VIT: variants seen among roughly 807,000 people sequenced by gnomAD.
VIT encodes the protein vitrin.
In VIT, 99 loss-of-function variants were observed where a neutral mutation model predicts 78.0. The observed-to-expected ratio is 1.27, with a 90% CI of 1.08 to 1.50. The LOEUF is 1.50. Among genes scored for constraint, VIT ranks in the 40% most tolerant of loss-of-function variants. The pLI, the probability that VIT is intolerant of heterozygous loss-of-function variation, is 0.00. For missense variants in VIT, 1,126 were observed against 875.3 expected, an observed-to-expected ratio of 1.29 and a Z score of -3.61; for synonymous variants, 374 against 334.3, an observed-to-expected ratio of 1.12 and a Z score of -1.29.
At chr2:36,706,184 G>T (rs1665407567) in intron 1 of VIT, among the ~76,000 whole-genome samples, 1 of 152,270 alleles carries the variant, frequency 6.6e-6, no homozygotes, top group African/African-American at 2.4e-5. Flanking sequence ...TCTTCCCAGA[G>T]CTTGGCTTCA....
intron 7 of VIT, among the ~76,000 whole-genome samples, chr2:36,772,420 C>G (rs1020339156): frequency 6.6e-6 from 1 of 152,192 alleles, no homozygotes; most frequent in Non-Finnish European, 1.5e-5. Context: ...CTTGTAATCC[C>G]AGCTACTCGG....
At position 36,809,720 on chromosome 2, in the gene VIT, C is replaced by T. The variant is rs148536267; in HGVS notation, c.1903+735C>T. ...GTGAGTCACCATGCCTAGCCATGTACTGGTACCTTTTAAGGAAAAATAATG... is the reference window on the plus strand; with the variant it reads ...GTGAGTCACCATGCCTAGCCATGTATTGGTACCTTTTAAGGAAAAATAATG... On this transcript the variant is annotated intron_variant, in intron 15 of 15. Coordinates refer to ENST00000379242, the MANE Select transcript of VIT (RefSeq NM_053276.4). Among the ~76,000 whole-genome samples, 1,019 of 152,312 alleles carry T rather than the reference C, an allele frequency of 6.7e-3. 11 individuals carry two copies. Among genetic ancestry groups the T allele is most frequent in the African/African-American group, 0.023 (976 of 41,556 alleles).
At chr2:36,794,330 GA>G (rs11307491) in intron 12 of VIT, among the ~76,000 whole-genome samples, 98,232 of 151,772 alleles carry the variant, frequency 0.65, 32,552 homozygotes, top group East Asian at 0.99. Context: ...ATATTCCCTA[GA>G]AAAAAAAATT....
At chr2:36,702,397 C>G (rs1665119390) in intron 1 of VIT, among the ~76,000 whole-genome samples, 1 of 135,314 alleles carries the variant, frequency 7.4e-6, no homozygotes, top group African/African-American at 2.8e-5. Context: ...TCAGGCCAAG[C>G]TCAGAGGATT....
At chr2:36,765,425 GAGAGAGAGAA>G (rs377011128) in intron 6 of VIT, among the ~76,000 whole-genome samples, 23,711 of 148,570 alleles carry the variant, frequency 0.16, 2,088 homozygotes, top group Non-Finnish European at 0.2. Context: ...GAGAGAGAGA[GAGAGAGAGAA>G]AGAGAGAGAG....
At chr2:36,776,951 T>C (rs1261654904) in intron 9 of VIT, among the ~76,000 whole-genome samples, 8 of 148,706 alleles carry the variant, frequency 5.4e-5, no homozygotes, top group Non-Finnish European at 6.0e-5. Flanking sequence ...TAGCCAGGCG[T>C]GGTGGCGGGC....
At chr2:36,783,468 C>G in intron 11 of VIT, 66 bp downstream of exon 11, 6 of 1,456,644 alleles carry the variant, frequency 4.1e-6, no homozygotes, top group South Asian at 1.2e-5. Flanking sequence ...TCCTCTCTTC[C>G]CACTCACTCC....
rs12619488 is a variant in VIT, at chr2:36,711,060, C to A, written c.-18-5293C>A. Among the ~76,000 whole-genome samples, 31 of 152,286 alleles carry A rather than the reference C, an allele frequency of 2.0e-4. No individual in the cohort carries two copies. In the East Asian group the frequency reaches 4.0e-3, roughly 20 times the overall value. On this transcript the variant is annotated intron_variant, in intron 1 of 15. Coordinates refer to ENST00000379242, the MANE Select transcript of VIT (RefSeq NM_053276.4). ...TTATGCCAGTCCTCCACATCCTCAC[C>A]AACACTTGGTAGTACGAGTCTTTTT... is the stretch of plus-strand genomic sequence containing the variant.
intron 4 of VIT, among the ~76,000 whole-genome samples, chr2:36,744,187 TTTTC>T (rs1668001324): frequency 6.6e-6 from 1 of 152,228 alleles, no homozygotes; most frequent in African/African-American, 2.4e-5. Context: ...ATGTACCACA[TTTTC>T]TTTATCTAAT....
chr2:36,788,470 T>C (rs971385399), intron 12 of VIT, among the ~76,000 whole-genome samples: 1 of 152,190 alleles, frequency 6.6e-6, no homozygotes, highest in African/African-American at 2.4e-5. Flanking sequence ...CAGGAAAAAT[T>C]AATAGATGAG....
At chr2:36,744,483 CTAT>C (rs1668019777) in intron 4 of VIT, among the ~76,000 whole-genome samples, 1 of 152,162 alleles carries the variant, frequency 6.6e-6, no homozygotes, top group African/African-American at 2.4e-5. Flanking sequence ...CCACCAACAT[CTAT>C]TATTTTTTGG....
chr2:36,763,841 G>A (rs186653765), intron 6 of VIT, among the ~76,000 whole-genome samples: 49 of 152,102 alleles, frequency 3.2e-4, no homozygotes, highest in African/African-American at 1.0e-3. Flanking sequence ...CACCCATCTC[G>A]GCCCCCGCAA....
chr2:36,725,852 G>A (rs770613526), intron 2 of VIT, among the ~76,000 whole-genome samples: 8 of 151,948 alleles, frequency 5.3e-5, no homozygotes, highest in African/African-American at 1.2e-4. Context: ...CAGGAGGATC[G>A]CCTGAGGTCA....
intron 5 of VIT, among the ~76,000 whole-genome samples, chr2:36,755,834 A>T (rs961086379): frequency 1.3e-5 from 2 of 152,164 alleles, no homozygotes; most frequent in Non-Finnish European, 2.9e-5. Context: ...GTTTTTAAAA[A>T]TATAATGTTA....
At chr2:36,802,100 G>C (rs1487334047) in intron 13 of VIT, among the ~76,000 whole-genome samples, 2 of 152,200 alleles carry the variant, frequency 1.3e-5, no homozygotes, top group Admixed American at 6.5e-5. Context: ...TCTGTTTCAA[G>C]CTAGGTCTTC....
chr2:36,808,586 A>G lies in VIT; in HGVS notation c.1504A>G (p.Ser502Gly). ...CTGCGACACTGACCGCCTGGCCTGC[A>G]GCAAGACCTGCTTGAACTCGGCTGA... ...RVCDTDRLAC[S>G]KTCLNSADIG... is the part of the protein sequence containing the mutation. Residue 502 changes from serine to glycine, a missense_variant, in exon 15 of 16, where the codon AGC becomes GGC. By Grantham distance (56) the Ser-to-Gly change is moderately conservative (BLOSUM62 0). Coordinates refer to ENST00000379242, the MANE Select transcript of VIT (RefSeq NM_053276.4). The G allele has an allele frequency of 1.2e-6, 2 of 1,614,202 alleles. No homozygotes were observed. The highest frequency in any genetic ancestry group is 1.1e-5 in the South Asian group (1 of 91,088).
At chr2:36,793,455 G>C (rs1042255403) in intron 12 of VIT, among the ~76,000 whole-genome samples, 3 of 152,218 alleles carry the variant, frequency 2.0e-5, no homozygotes, top group African/African-American at 7.2e-5. Flanking sequence ...GCTGCACCCT[G>C]GGCTGGTCAT....
intron 12 of VIT, chr2:36,788,001 G>A (rs1665226140): frequency 6.4e-6 from 2 of 311,876 alleles, no homozygotes; most frequent in Admixed American, 4.6e-5. Context: ...ATATGAATAG[G>A]TTTCTCACTG....
chr2:36,716,049 G>C (rs1029241800), intron 1 of VIT, among the ~76,000 whole-genome samples: 1 of 152,160 alleles, frequency 6.6e-6, no homozygotes, highest in Non-Finnish European at 1.5e-5. Flanking sequence ...CTAATTAGAA[G>C]ACTACTTGGA....
Sources: gnomAD v4.1 joint callset for allele counts (sites outside exome capture counted in the v4.1 genomes callset) on GRCh38, gnomAD v4.1.1 for gene constraint, MANE v1.5 for transcripts, NCBI Gene and HGNC (gene_info 2026-07-23, HGNC 2026-07-21) for gene names.